The following AGAP9 variants were observed in gnomAD, a reference collection of about 807,000 sequenced individuals.
AGAP9 encodes ArfGAP with GTPase domain, ankyrin repeat and PH domain 9, also known as arf-GAP with GTPase, ANK repeat and PH domain-containing protein 9.
A neutral mutation model predicts 55.6 loss-of-function variants in AGAP9; 23 were observed. The observed-to-expected ratio is 0.41, with a 90% CI of 0.30 to 0.59. The LOEUF is 0.59. AGAP9 is among the 20% of genes least tolerant of loss of function. The pLI, the probability that AGAP9 is intolerant of heterozygous loss-of-function variation, is 0.25. For synonymous variants in AGAP9, 120 were observed against 305.0 expected, an observed-to-expected ratio of 0.39 and a Z score of 6.32; for missense variants, 309 against 808.1, an observed-to-expected ratio of 0.38 and a Z score of 7.49.
At chr10:47,515,912 C>T (rs1385135966) in intron 4 of AGAP9, among the ~76,000 whole-genome samples, 2 of 115,006 alleles carry the variant, frequency 1.7e-5, no homozygotes, top group African/African-American at 3.3e-5. Context: ...GGGACCACCA[C>T]ACATTGGAGG....
intron 2 of AGAP9, among the ~76,000 whole-genome samples, chr10:47,520,845 A>C (rs1313630530): frequency 3.8e-5 from 5 of 131,620 alleles, no homozygotes; most frequent in Non-Finnish European, 4.7e-5. Context: ...ATTTAAAAAA[A>C]AAAAAAAAAA....
chr10:47,506,580 T>C (rs1840483158), intron 6 of AGAP9, among the ~76,000 whole-genome samples: 1 of 142,644 alleles, frequency 7.0e-6, no homozygotes, highest in Admixed American at 7.2e-5. Flanking sequence ...TCCACCCACC[T>C]TGGCCTCCCA....
chr10:47,506,810 T>G (rs1840488955), intron 6 of AGAP9, among the ~76,000 whole-genome samples: 1 of 141,920 alleles, frequency 7.0e-6, no homozygotes, highest in South Asian at 2.3e-4. Flanking sequence ...CAGCTAAGTT[T>G]TTGTATTTTT....
chr10:47,519,545 C>A (rs1274139512), intron 3 of AGAP9, among the ~76,000 whole-genome samples: 4 of 101,000 alleles, frequency 4.0e-5, no homozygotes, highest in Admixed American at 3.2e-4. Flanking sequence ...CCTGCTTCCC[C>A]TTTGCCTTTT....
chr10:47,519,523 C>T lies in AGAP9; in HGVS notation c.361+976G>A, dbSNP rs1474146346. Among the ~76,000 whole-genome samples the T allele has an allele frequency of 2.8e-5, 3 of 108,606 alleles. 1 individual carries two copies. Among genetic ancestry groups the T allele is most frequent in the Non-Finnish European group, 5.5e-5 (3 of 54,506 alleles). The allele number at this position is 108,606 out of a possible 152,430, so 71.2% of individuals were successfully genotyped here. On this transcript the variant is annotated intron_variant, in intron 3 of 7. Coordinates refer to ENST00000452145, the MANE Select transcript of AGAP9 (RefSeq NM_001190810.1). ...TTCCCCCTTCCCCTCTCTCTTTCACCGTGTGGAACCACCTGCTTCCCCTTT... is the reference window on the plus strand; with the variant it reads ...TTCCCCCTTCCCCTCTCTCTTTCACTGTGTGGAACCACCTGCTTCCCCTTT...
chr10:47,510,698 C>T (rs1840592469), intron 4 of AGAP9, among the ~76,000 whole-genome samples: 1 of 118,402 alleles, frequency 8.4e-6, no homozygotes, highest in Non-Finnish European at 1.7e-5. Flanking sequence ...GGCGTGGTAG[C>T]AGGCCCCTGT....
chr10:47,517,294 A>T, intron 4 of AGAP9, among the ~76,000 whole-genome samples: 1 of 89,044 alleles, frequency 1.1e-5, no homozygotes, highest in African/African-American at 5.2e-5. Flanking sequence ...TTTTTTTGAG[A>T]CAGAGTTTCG....
At chr10:47,504,769 G>T (rs1296452909) in intron 6 of AGAP9, among the ~76,000 whole-genome samples, 1 of 139,774 alleles carries the variant, frequency 7.2e-6, no homozygotes, top group Non-Finnish European at 1.5e-5. Flanking sequence ...ATAAACCAGT[G>T]GTTCTCCAAA....
At position 47,502,346 on chromosome 10, in the gene AGAP9, T is replaced by G. The variant is rs1217812445; in HGVS notation, c.1783A>C (p.Thr595Pro). Residue 595 changes from threonine (T) to proline (P), a missense_variant, in exon 8 of 8, where the codon ACC (threonine) becomes CCC (proline). Coordinates refer to ENST00000452145, the MANE Select transcript of AGAP9 (RefSeq NM_001190810.1). ...GCTGTCTGCAGGTCCTCATCAGTGG[T>G]GGCCCGCAGCAGCTGCTGGCCCAGG... ...LSLGQQLLRA[T>P]TDEDLQTAIL... 6.7e-5 allele frequency: 108 copies of G among 1,605,870 alleles called. 2 individuals are homozygous for G. The highest frequency in any genetic ancestry group is 9.1e-5 in the Non-Finnish European group (107 of 1,178,166).
Position 47,503,029 on chromosome 10 carries a change from A to C in AGAP9, c.1100T>G (p.Met367Arg), listed in dbSNP as rs1189291867. ...TATGGAGTCACCCAGCCCGGTGTCCATGTCCTTGGATAGGCCATTGCTTTT... is the reference window on the plus strand; with the variant it reads ...TATGGAGTCACCCAGCCCGGTGTCCCTGTCCTTGGATAGGCCATTGCTTTT... Reference protein sequence around the residue: ...SSKSNGLSKDMDTGLGDSICF... With the variant: ...SSKSNGLSKDRDTGLGDSICF... The change falls in exon 8 of 8, where the codon ATG (methionine) becomes AGG (arginine). Residue 367 changes from methionine (M) to arginine (R), a missense_variant. Met to Arg is a moderately conservative substitution (Grantham distance 91, BLOSUM62 -1). Transcript: ENST00000452145. 7 of 1,608,202 alleles carry C rather than the reference A, an allele frequency of 4.4e-6. No individual in the cohort carries two copies. Among genetic ancestry groups the C allele is most frequent in the South Asian group, 2.2e-5 (2 of 90,914 alleles).
Position 47,502,891 on chromosome 10 carries a change from A to T in AGAP9, c.1238T>A (p.Ile413Asn), listed in dbSNP as rs1204224557. ...LKKKSTNNFM[I>N]VSATGQTWHF... ...CCACGTTTGGCCAGTGGCAGACACA[A>T]TCATAAAGTTGTTGGTGCTTTTCTT... Residue 413 changes from isoleucine (I) to asparagine (N), a missense_variant, in exon 8 of 8, where the codon ATT (isoleucine) becomes AAT (asparagine). Ile to Asn is a moderately radical substitution (Grantham distance 149). Coordinates refer to ENST00000452145, the MANE Select transcript of AGAP9 (RefSeq NM_001190810.1). The T allele has an allele frequency of 1.3e-5, 21 of 1,604,576 alleles. No homozygotes were observed. The highest frequency in any genetic ancestry group is 1.7e-5 in the Non-Finnish European group (20 of 1,177,606).
chr10:47,503,310 A>C lies in AGAP9; in HGVS notation c.819T>G (p.Ala273=). Residue 273 remains alanine, a synonymous_variant, in exon 8 of 8, where the codon GCT becomes GCG. Coordinates refer to ENST00000452145, the MANE Select transcript of AGAP9 (RefSeq NM_001190810.1). The stretch of plus-strand genomic sequence containing the variant: ...TGGCTCTGCCGCTCCCGATGGTGTC[A>C]GCATGATTCTCCGGGGCTTTCCTCT... ...DKERKAPENH[A]DTIGSGRAIP... is the part of the protein sequence containing the mutation. The C allele has an allele frequency of 6.3e-7, 1 of 1,593,922 alleles. No homozygotes were observed. The highest frequency in any genetic ancestry group is 2.3e-5 in the East Asian group (1 of 43,192).
chr10:47,508,146 C>T (rs1277491389), intron 5 of AGAP9, among the ~76,000 whole-genome samples: 40 of 104,916 alleles, frequency 3.8e-4, no homozygotes, highest in Non-Finnish European at 4.3e-4. Flanking sequence ...CTCACCACAA[C>T]CTCTGCCTCC....
chr10:47,522,782 TG>T (rs1840875327), intron 2 of AGAP9, 83 bp downstream of exon 2: 1 of 235,722 alleles, frequency 4.2e-6, no homozygotes, highest in East Asian at 1.4e-4. Flanking sequence ...GAGTTTTTAT[TG>T]AGAAAAGGAA....
At chr10:47,517,200 T>C (rs1265372774) in intron 4 of AGAP9, among the ~76,000 whole-genome samples, 1 of 98,084 alleles carries the variant, frequency 1.0e-5, no homozygotes, top group African/African-American at 4.7e-5. Flanking sequence ...CAATAGACAG[T>C]GCTGGCAATT....
intron 3 of AGAP9, among the ~76,000 whole-genome samples, chr10:47,518,346 CTAATA>C (rs1840752771): frequency 2.0e-5 from 1 of 49,222 alleles, no homozygotes; most frequent in Non-Finnish European, 3.4e-5. Flanking sequence ...TGGTTATCTA[CTAATA>C]TGTCACTAAA....
In AGAP9 at chr10:47,521,306, T is replaced by C. The variant is rs1173483562; in HGVS notation, c.293-739A>G. Among the ~76,000 whole-genome samples the C allele has an allele frequency of 9.2e-3, 1,282 of 139,376 alleles. 159 individuals are homozygous for C. Among genetic ancestry groups the C allele is most frequent in the African/African-American group, 0.033 (1,208 of 36,398 alleles). The allele number at this position is 139,376 out of a possible 152,430, so 91.4% of individuals were successfully genotyped here. Reference sequence around the variant, plus strand: ...GCTTTCCAAACATCACCAAGCAGAGTATAAGTTTATACAAGTACTTACATG... The same window carrying C: ...GCTTTCCAAACATCACCAAGCAGAGCATAAGTTTATACAAGTACTTACATG... On this transcript the variant is annotated intron_variant, in intron 2 of 7. Transcript: ENST00000452145.
Position 47,502,803 on chromosome 10 carries a change from G to A in AGAP9, c.1326C>T (p.Ile442=). The change falls in exon 8 of 8, where the codon ATC becomes ATT. Residue 442 remains isoleucine (I), a synonymous_variant. Coordinates refer to ENST00000452145, the MANE Select transcript of AGAP9 (RefSeq NM_001190810.1). The stretch of plus-strand genomic sequence containing the variant: ...TCTTGCATGACTGCAGGCTGGCCAG[G>A]ATCTGGCTCTGGATGGCTTGGACCC... The part of the protein sequence containing the change: ...DAWVQAIQSQ[I]LASLQSCKSS... 1 of 1,588,490 alleles carries A rather than the reference G, an allele frequency of 6.3e-7. No homozygotes were observed.
intron 4 of AGAP9, among the ~76,000 whole-genome samples, chr10:47,516,807 T>G (rs1188193205): frequency 7.7e-6 from 1 of 130,298 alleles, no homozygotes; most frequent in Non-Finnish European, 1.5e-5. Context: ...AAACAGCTAT[T>G]AGAAAATAGG....
Sources: allele counts gnomAD v4.1 joint callset (sites outside exome capture counted in the v4.1 genomes callset), GRCh38; gene constraint gnomAD v4.1.1; transcripts MANE v1.5; gene names NCBI Gene and HGNC (gene_info 2026-07-23, HGNC 2026-07-21).